Variants in NEBL observed in about 807,000 individuals in gnomAD.
NEBL encodes LIM and SH3 protein 2.
A neutral mutation model predicts 140.2 loss-of-function variants in NEBL; 122 were observed. The observed-to-expected ratio is 0.87, with a 90% CI of 0.75 to 1.01. NEBL has a LOEUF of 1.01. Ranked by LOEUF, NEBL falls within the 50% of genes least tolerant of loss-of-function variation. The pLI, the probability that NEBL is intolerant of heterozygous loss-of-function variation, is 0.00. For missense variants in NEBL, 1,365 were observed against 1,231.3 expected, an observed-to-expected ratio of 1.11 and a Z score of -1.62; for synonymous variants, 436 against 398.9, an observed-to-expected ratio of 1.09 and a Z score of -1.11.
intron 1 of NEBL, among the ~76,000 whole-genome samples, chr10:21,260,955 T>C (rs890195316): frequency 2.0e-5 from 3 of 152,202 alleles, no homozygotes; most frequent in East Asian, 3.8e-4. Flanking sequence ...ACGGGAGCAC[T>C]GGTGTAGACT....
At chr10:20,901,134 G>T (rs1368585452), upstream of NEBL, among the ~76,000 whole-genome samples, 1 of 152,132 alleles carries the variant, frequency 6.6e-6, no homozygotes, top group African/African-American at 2.4e-5. Context: ...GCATGAAAAG[G>T]TCTTCTCATT....
chr10:21,209,612 G>T (rs1841883249), intron 3 of NEBL, among the ~76,000 whole-genome samples: 1 of 148,704 alleles, frequency 6.7e-6, no homozygotes. Context: ...CTTCCAGGAA[G>T]TTTCTCCTAT....
chr10:20,875,319 C>T (rs1388165027), intron 5 of NEBL, among the ~76,000 whole-genome samples: 1 of 152,200 alleles, frequency 6.6e-6, no homozygotes, highest in African/African-American at 2.4e-5. Flanking sequence ...ATTAAATCCT[C>T]ACTTCATCCC....
intron 2 of NEBL, among the ~76,000 whole-genome samples, chr10:21,087,753 C>G (rs1027629604): frequency 2.6e-5 from 4 of 152,170 alleles, no homozygotes; most frequent in Non-Finnish European, 4.4e-5. Flanking sequence ...TAGTTTGCAG[C>G]CCTGACCTCG....
chr10:20,840,884 C>T (rs1033884931), intron 12 of NEBL, 35 bp from the exon 13 acceptor site: 4 of 1,226,398 alleles, frequency 3.3e-6, no homozygotes, highest in Non-Finnish European at 4.8e-6. Context: ...CAAAACTTAG[C>T]AGGAATCACT....
chr10:21,120,393 CATATATATAT>C lies in NEBL; in HGVS notation c.164+51980_164+51989del, dbSNP rs1201775144. On this transcript the variant is annotated intron_variant, in intron 2 of 6. Transcript: ENST00000417816. ...GTGTCTCAAAAAAAAAAAAAAAATACATATATATATATATATATATATATATATATAAATT... is the reference window on the plus strand; with the variant it reads ...GTGTCTCAAAAAAAAAAAAAAAATACATATATATATATATATATATAAATT... Among the ~76,000 whole-genome samples the C allele has an allele frequency of 2.9e-4, 17 of 59,534 alleles. 1 individual carries two copies. The highest frequency in any genetic ancestry group is 1.9e-3 in the African/African-American group (16 of 8,234). 39.1% of individuals were successfully genotyped at this position (59,534 alleles called of 152,430 possible).
At chr10:21,073,936 G>C (rs191816010) in intron 2 of NEBL, among the ~76,000 whole-genome samples, 13 of 152,042 alleles carry the variant, frequency 8.6e-5, no homozygotes, top group Admixed American at 2.6e-4. Flanking sequence ...TTAGCCGGAC[G>C]TGGTGGCGGG....
chr10:20,840,125 T>C (rs1841274340), intron 13 of NEBL, among the ~76,000 whole-genome samples: 1 of 152,148 alleles, frequency 6.6e-6, no homozygotes, highest in African/African-American at 2.4e-5. Context: ...ATCATTATCA[T>C]CAGAGTTTCA....
chr10:21,129,386 A>ACAGG (rs1221272356), intron 2 of NEBL, among the ~76,000 whole-genome samples: 1 of 152,040 alleles, frequency 6.6e-6, no homozygotes, highest in East Asian at 1.9e-4. Context: ...GGCTAGGAAT[A>ACAGG]CAGGCATGTG....
intron 3 of NEBL, among the ~76,000 whole-genome samples, chr10:21,017,679 T>C (rs1194791479): frequency 6.6e-6 from 1 of 152,172 alleles, no homozygotes; most frequent in Non-Finnish European, 1.5e-5. Flanking sequence ...CTATAACCAC[T>C]AACTGAGCCC....
At chr10:21,118,640 A>G (rs11012532) in intron 2 of NEBL, among the ~76,000 whole-genome samples, 12,872 of 152,170 alleles carry the variant, frequency 0.085, 681 homozygotes, top group Non-Finnish European at 0.13. Context: ...AAAAACTATT[A>G]TTTGTTAGAT....
intron 4 of NEBL, among the ~76,000 whole-genome samples, chr10:20,915,665 T>C (rs1648999659): frequency 6.6e-6 from 1 of 152,010 alleles, no homozygotes; most frequent in South Asian, 2.1e-4. Context: ...TTGTTGGACA[T>C]TTGGGTTGGT....
intron 3 of NEBL, among the ~76,000 whole-genome samples, chr10:20,966,442 T>C (rs1836319934): frequency 1.3e-5 from 2 of 152,172 alleles, no homozygotes; most frequent in African/African-American, 4.8e-5. Context: ...TGAAAATAAA[T>C]AACATGTGAA....
intron 3 of NEBL, among the ~76,000 whole-genome samples, chr10:21,208,880 C>G (rs1034678054): frequency 1.3e-5 from 2 of 152,166 alleles, no homozygotes; most frequent in African/African-American, 4.8e-5. Flanking sequence ...ACCAGCCAGT[C>G]TGCACCTCAC....
intron 8 of NEBL, among the ~76,000 whole-genome samples, chr10:20,859,031 A>G (rs1278956051): frequency 1.3e-5 from 2 of 152,160 alleles, no homozygotes; most frequent in Non-Finnish European, 2.9e-5. Context: ...TCCTTTAAGT[A>G]TATTTCATCT....
At chr10:21,198,984 TTTTA>T (rs200853502) in intron 3 of NEBL, among the ~76,000 whole-genome samples, 1,616 of 151,694 alleles carry the variant, frequency 0.011, 25 homozygotes, top group Non-Finnish European at 0.013. Flanking sequence ...CTATTCTACT[TTTTA>T]TTTATTTTTA....
intron 7 of NEBL, among the ~76,000 whole-genome samples, chr10:20,860,385 C>T (rs1843555704): frequency 1.3e-5 from 2 of 151,840 alleles, no homozygotes; most frequent in South Asian, 4.2e-4. Flanking sequence ...CCACTAAATT[C>T]AGCAGGAAAA....
intron 2 of NEBL, among the ~76,000 whole-genome samples, chr10:21,152,492 C>G (rs1377861737): frequency 6.6e-6 from 1 of 151,892 alleles, no homozygotes; most frequent in African/African-American, 2.4e-5. Context: ...GGAGGATCAC[C>G]TGAGCCCAGG....
At chr10:21,134,786 G>A (rs1839273781) in intron 2 of NEBL, among the ~76,000 whole-genome samples, 1 of 152,186 alleles carries the variant, frequency 6.6e-6, no homozygotes, top group Admixed American at 6.5e-5. Flanking sequence ...TGATTACTGA[G>A]TTCTGACAAA....
Sources: allele counts gnomAD v4.1 joint callset (sites outside exome capture counted in the v4.1 genomes callset), GRCh38; gene constraint gnomAD v4.1.1; transcripts MANE v1.5; gene names NCBI Gene and HGNC (gene_info 2026-07-23, HGNC 2026-07-21).